Variants in GALC observed in about 807,000 individuals in gnomAD.
The protein encoded by GALC is galactosylceramidase.
Under a neutral mutation model 91.8 loss-of-function variants are expected in GALC, and 77 were observed. The observed-to-expected ratio is 0.84, with a 90% confidence interval of 0.70 to 1.01. The LOEUF (loss-of-function observed/expected upper bound fraction) is 1.01, where lower values mean the gene tolerates loss of function less well. GALC is among the 50% of genes least tolerant of loss of function. The pLI, the probability that GALC is intolerant of heterozygous loss-of-function variation, is 0.00. For synonymous variants in GALC, 357 were observed against 306.7 expected (o/e 1.16, Z -1.71); for missense variants, 882 against 855.9 (o/e 1.03, Z -0.38).
At chr14:87,981,109 T>C (rs113121553) in intron 6 of GALC, 17,163 of 152,230 alleles carry the variant, frequency 0.11, 1,120 homozygotes, top group Non-Finnish European at 0.16. Flanking sequence ...ATGTATACAA[T>C]GGAGTACTAC....
intron 16 of GALC, 41 bp downstream of exon 16, chr14:87,939,864 A>C (rs781025184): frequency 1.2e-5 from 16 of 1,302,144 alleles, no homozygotes; most frequent in Non-Finnish European, 1.3e-5. Flanking sequence ...ATGCACAACA[A>C]AAGAGCATTT....
intron 10 of GALC, chr14:87,952,735 T>G: frequency 6.6e-7 from 1 of 1,516,154 alleles, no homozygotes; most frequent in South Asian, 1.1e-5. Context: ...GCAAACTGTA[T>G]GAATAGACAT....
In GALC at chr14:87,968,235, T is replaced by C. The variant is rs185132797; in HGVS notation, c.908+100A>G. 1.1e-5 allele frequency: 11 copies of C among 986,608 alleles called. 1 individual carries two copies. The Middle Eastern group carries it at 9.9e-4, about 89-fold the overall frequency. The allele number at this position is 986,608 out of a possible 1,614,324, so 61.1% of individuals were successfully genotyped here. On this transcript the variant is annotated intron_variant, in intron 8 of 16. Transcript: ENST00000261304. ...TAACAAGGCAAAATGTTTACAATCATTGAATCTAGGCTGGAAGAATAAGGA... is the reference window on the plus strand; with the variant it reads ...TAACAAGGCAAAATGTTTACAATCACTGAATCTAGGCTGGAAGAATAAGGA...
rs1884796385 is a variant in GALC, at chr14:87,940,679, AATTTTT to A, written c.1835-704_1835-699del. On this transcript the variant is annotated intron_variant, in intron 15 of 16. Coordinates refer to ENST00000261304, the MANE Select transcript of GALC (RefSeq NM_000153.4). Reference sequence around the variant, plus strand: ...TATCCTTACTACCTACTTCCTCTTTAATTTTTATTTTATTTATGGAGTCAAAGCAAA... The same window carrying A: ...TATCCTTACTACCTACTTCCTCTTTAATTTTATTTATGGAGTCAAAGCAAA... 2.0e-5 allele frequency among the ~76,000 whole-genome samples: 3 copies of A among 151,890 alleles called. No individual in the cohort carries two copies. In the South Asian group the frequency reaches 6.2e-4, roughly 31 times the overall value.
chr14:87,934,718 T>C lies in GALC; in HGVS notation c.*14A>G, dbSNP rs143444570. 3.7e-6 allele frequency: 6 copies of C among 1,613,024 alleles called. No homozygotes were observed. Among genetic ancestry groups the C allele is most frequent in the South Asian group, 1.1e-5 (1 of 91,078 alleles). ...GAAGAAAATCCAGAGTATTCTATGA[T>C]GCCCTGTTAAGTATTAGCGTGTGGC... On this transcript the variant is annotated 3_prime_UTR_variant, in exon 17 of 17. Transcript: ENST00000261304.
At position 87,980,193 on chromosome 14, in the gene GALC, C is replaced by T. The variant is rs561735397; in HGVS notation, c.621+2012G>A. Among the ~76,000 whole-genome samples the T allele has an allele frequency of 5.3e-5, 8 of 152,156 alleles. No individual in the cohort carries two copies. In the East Asian group the frequency reaches 1.4e-3, roughly 26 times the overall value. On this transcript the variant is annotated intron_variant, in intron 6 of 16. Transcript: ENST00000261304. ...GTCAAGAATTCAAGACCAGCCTGGC[C>T]AAGATGGTGAATCCCCGTCTCTACT...
At chr14:87,979,757 CA>C (rs1886659161) in intron 6 of GALC, among the ~76,000 whole-genome samples, 1 of 152,186 alleles carries the variant, frequency 6.6e-6, no homozygotes, top group South Asian at 2.1e-4. Context: ...TTAAAAAGTT[CA>C]TCACCTTTCA....
intron 4 of GALC, among the ~76,000 whole-genome samples, chr14:87,985,917 T>C (rs1293127234): frequency 6.6e-6 from 1 of 152,200 alleles, no homozygotes; most frequent in African/African-American, 2.4e-5. Flanking sequence ...GGGACGGGAT[T>C]GGCTTCCTGA....
intron 5 of GALC, among the ~76,000 whole-genome samples, chr14:87,983,222 C>T (rs1886820051): frequency 1.3e-5 from 2 of 151,972 alleles, no homozygotes; most frequent in Admixed American, 6.6e-5. Context: ...TGCCTGTAAT[C>T]CCAGCTACTT....
At chr14:87,958,134 C>G (rs945794734) in intron 10 of GALC, among the ~76,000 whole-genome samples, 2 of 151,580 alleles carry the variant, frequency 1.3e-5, no homozygotes, top group East Asian at 3.9e-4. Flanking sequence ...GTAACCAAAA[C>G]AGCATGTTAC....
In GALC at chr14:87,940,125, T is replaced by C. The variant is rs1386317833; in HGVS notation, c.1835-144A>G. 5.4e-6 allele frequency: 4 copies of C among 738,814 alleles called. No homozygotes were observed. The East Asian group carries it at 1.0e-4, about 19-fold the overall frequency. The allele number at this position is 738,814 out of a possible 1,614,324, so 45.8% of individuals were successfully genotyped here. A position where few individuals can be genotyped will look rare whatever the true frequency, so the allele number is the denominator to read the frequency against. ...AGCTATGTCCCTTCATTCCCAGATC[T>C]ACAACTGAGTTAAGCCAAAACATTT... On this transcript the variant is annotated intron_variant, in intron 15 of 16. Coordinates refer to ENST00000261304, the MANE Select transcript of GALC (RefSeq NM_000153.4).
intron 3 of GALC, chr14:87,987,908 C>A (rs1030066839): frequency 5.8e-6 from 3 of 514,990 alleles, no homozygotes; most frequent in Admixed American, 6.4e-5. Context: ...TGTTTACTAC[C>A]GATTACTTCA....
intron 6 of GALC, among the ~76,000 whole-genome samples, chr14:87,979,039 T>C (rs571438093): frequency 1.3e-5 from 2 of 152,076 alleles, no homozygotes; most frequent in Non-Finnish European, 2.9e-5. Context: ...CATTTCTTTT[T>C]TTTTCTTTTC....
Position 87,965,582 on chromosome 14 carries a change from T to A in GALC, c.956A>T (p.Tyr319Phe). 1.2e-6 allele frequency: 2 copies of A among 1,613,458 alleles called. No homozygotes were observed. The highest frequency in any genetic ancestry group is 1.1e-5 in the South Asian group (1 of 91,078). The stretch of plus-strand genomic sequence containing the variant: ...GGCCGTCATCAACCCGCATCTCCCA[T>A]AAGGCAACTGTTCATAGTAACTAGC... ...LVASYYEQLP[Y>F]GRCGLMTAQE... Residue 319 changes from tyrosine (Y) to phenylalanine (F), a missense_variant, in exon 9 of 17, where the codon TAT becomes TTT. Tyr to Phe is a conservative substitution (Grantham distance 22, BLOSUM62 3). Coordinates refer to ENST00000261304, the MANE Select transcript of GALC (RefSeq NM_000153.4).
chr14:87,960,309 A>C (rs1885747916), intron 10 of GALC, among the ~76,000 whole-genome samples: 2 of 152,226 alleles, frequency 1.3e-5, no homozygotes, highest in Admixed American at 6.5e-5. Context: ...CAAAGTAACT[A>C]TTGGACAGGA....
intron 8 of GALC, among the ~76,000 whole-genome samples, chr14:87,966,598 A>G (rs2269315): frequency 0.31 from 46,794 of 152,108 alleles, 8,480 homozygotes; most frequent in East Asian, 0.58. Flanking sequence ...ACACCTTACT[A>G]CTAGTGAATA....
chr14:87,945,680 C>T lies in GALC; in HGVS notation c.1543G>A (p.Glu515Lys), dbSNP rs794727116. ...PNFADQTGVFEYFTNIEDPGE... is the reference protein window; with the variant it reads ...PNFADQTGVFKYFTNIEDPGE... ...GGGTCTTCAATATTTGTAAAATATT[C>T]AAATACACCAGTTTGATCAGCAAAG... Residue 515 changes from glutamate (E) to lysine (K), a missense_variant, in exon 14 of 17, where the codon GAA becomes AAA. Glu to Lys is a moderately conservative substitution (Grantham distance 56, BLOSUM62 1). Coordinates refer to ENST00000261304, the MANE Select transcript of GALC (RefSeq NM_000153.4). 2 of 1,611,724 alleles carry T rather than the reference C, an allele frequency of 1.2e-6. No individual in the cohort carries two copies. The highest frequency in any genetic ancestry group is 1.7e-6 in the Non-Finnish European group (2 of 1,178,352).
rs773196564 is a variant in GALC at position 87,950,650 on chromosome 14, TTTAC to T, written c.1251+5_1251+8del. The stretch of plus-strand genomic sequence containing the variant: ...CAAAACTAAAATAAAGTTAAACATA[TTTAC>T]TTACAAAAGATCCCTTAAGAACAAA... On this transcript the variant is annotated splice_donor_5th_base_variant and intron_variant, in intron 11 of 16. Coordinates refer to ENST00000261304, the MANE Select transcript of GALC (RefSeq NM_000153.4). 2.0e-6 allele frequency: 3 copies of T among 1,515,842 alleles called. No homozygotes were observed. The Admixed American group carries it at 5.0e-5, about 25-fold the overall frequency. The allele number at this position is 1,515,842 out of a possible 1,614,324, so 93.9% of individuals were successfully genotyped here.
chr14:87,949,490 T>G (rs1885215416), intron 12 of GALC, among the ~76,000 whole-genome samples: 2 of 151,984 alleles, frequency 1.3e-5, no homozygotes, highest in Non-Finnish European at 2.9e-5. Context: ...AGAGGCAGTT[T>G]CTGAAATCCA....
Sources: allele counts gnomAD v4.1 joint callset (sites outside exome capture counted in the v4.1 genomes callset), GRCh38; gene constraint gnomAD v4.1.1; transcripts MANE v1.5; gene names NCBI Gene and HGNC (gene_info 2026-07-23, HGNC 2026-07-21).